Variants in BCL2 observed in about 807,000 individuals in gnomAD.
BCL2 encodes apoptosis regulator Bcl-2.
In BCL2, 1 loss-of-function variant was observed where a neutral mutation model predicts 14.2. The observed-to-expected ratio is 0.07, with a 90% CI of 0.02 to 0.33. BCL2 has a LOEUF of 0.33. BCL2 is among the 10% of genes least tolerant of loss of function. The pLI is 0.99. For synonymous variants in BCL2, 151 were observed against 137.2 expected, an observed-to-expected ratio of 1.10 and a Z score of -0.70; for missense variants, 247 against 305.9, an observed-to-expected ratio of 0.81 and a Z score of 1.44.
At chr18:63,246,824 TGACTGAAA>T (rs1237727062) in intron 2 of BCL2, among the ~76,000 whole-genome samples, 1 of 152,240 alleles carries the variant, frequency 6.6e-6, no homozygotes, top group Non-Finnish European at 1.5e-5. Context: ...TGTTATTTGT[TGACTGAAA>T]GACTGAAGAA....
intron 2 of BCL2, among the ~76,000 whole-genome samples, chr18:63,269,442 G>A (rs990408206): frequency 2.1e-4 from 32 of 151,916 alleles, no homozygotes; most frequent in Non-Finnish European, 1.3e-4. Flanking sequence ...CTCTGTTGAG[G>A]GACGTGGGAT....
At chr18:63,224,991 G>A (rs920348895) in intron 2 of BCL2, among the ~76,000 whole-genome samples, 2 of 152,046 alleles carry the variant, frequency 1.3e-5, no homozygotes, top group African/African-American at 2.4e-5. Context: ...CTAGCAGGCC[G>A]AGAGAGAAGT....
At chr18:63,283,083 G>A (rs2144257360) in intron 2 of BCL2, among the ~76,000 whole-genome samples, 1 of 152,180 alleles carries the variant, frequency 6.6e-6, no homozygotes, top group East Asian at 1.9e-4. Flanking sequence ...ATTTCATTTT[G>A]CAATTAATGA....
rs551172101 is a variant in BCL2 at position 63,243,711 on chromosome 18, A to G, written c.585+74371T>C. Reference sequence around the variant, plus strand: ...ACCTGATCTCCATTTCCTTTAAAATAGCCTCTTAGGCTGTGTTTACAGAAC... The same window carrying G: ...ACCTGATCTCCATTTCCTTTAAAATGGCCTCTTAGGCTGTGTTTACAGAAC... On this transcript the variant is annotated intron_variant, in intron 2 of 2. Transcript: ENST00000333681. 3.3e-5 allele frequency among the ~76,000 whole-genome samples: 5 copies of G among 152,346 alleles called. No individual in the cohort carries two copies. In the South Asian group the frequency reaches 1.0e-3, roughly 32 times the overall value.
intron 2 of BCL2, among the ~76,000 whole-genome samples, chr18:63,264,575 T>C (rs1252935409): frequency 2.6e-5 from 4 of 152,208 alleles, no homozygotes; most frequent in African/African-American, 9.7e-5. Context: ...CCCGATTCCC[T>C]GCACTGTCTC....
intron 2 of BCL2, among the ~76,000 whole-genome samples, chr18:63,285,184 G>A (rs1288494177): frequency 2.0e-5 from 3 of 152,200 alleles, no homozygotes; most frequent in South Asian, 2.1e-4. Context: ...CTTTCTAAAC[G>A]GAAAAATAAA....
At chr18:63,174,373 T>C (rs1192277011) in intron 2 of BCL2, among the ~76,000 whole-genome samples, 5 of 152,056 alleles carry the variant, frequency 3.3e-5, no homozygotes, top group African/African-American at 7.2e-5. Context: ...AGGTCTTTTA[T>C]TGTTGTTTTT....
intron 2 of BCL2, among the ~76,000 whole-genome samples, chr18:63,287,529 T>C (rs1912510227): frequency 1.3e-5 from 2 of 152,148 alleles, no homozygotes; most frequent in Non-Finnish European, 2.9e-5. Flanking sequence ...ACTCTCATCA[T>C]GAAATATGTT....
At chr18:63,276,336 C>T (rs1912152804) in intron 2 of BCL2, among the ~76,000 whole-genome samples, 1 of 142,678 alleles carries the variant, frequency 7.0e-6, no homozygotes. Flanking sequence ...CAAACAAAAC[C>T]CAAAATGCTT....
chr18:63,296,630 C>T (rs1912803427), intron 2 of BCL2, among the ~76,000 whole-genome samples: 1 of 152,126 alleles, frequency 6.6e-6, no homozygotes, highest in African/African-American at 2.4e-5. Flanking sequence ...TTATTCTTGG[C>T]TTAACTCTTA....
At chr18:63,223,897 A>G (rs971898733) in intron 2 of BCL2, among the ~76,000 whole-genome samples, 3 of 152,238 alleles carry the variant, frequency 2.0e-5, no homozygotes, top group African/African-American at 7.2e-5. Flanking sequence ...ACATGCAAGG[A>G]AAGTCTCTAC....
At chr18:63,267,813 A>G (rs1048865150) in intron 2 of BCL2, among the ~76,000 whole-genome samples, 2 of 152,164 alleles carry the variant, frequency 1.3e-5, no homozygotes, top group Non-Finnish European at 2.9e-5. Context: ...TAATGCAGGT[A>G]AATCCCTGCT....
intron 2 of BCL2, among the ~76,000 whole-genome samples, chr18:63,261,443 G>C (rs1336198379): frequency 6.6e-6 from 1 of 152,192 alleles, no homozygotes; most frequent in Admixed American, 6.5e-5. Flanking sequence ...TAAGGAGCAA[G>C]AAATAGATCT....
At chr18:63,178,355 G>C (rs1170591516) in intron 2 of BCL2, among the ~76,000 whole-genome samples, 2 of 152,130 alleles carry the variant, frequency 1.3e-5, no homozygotes, top group Non-Finnish European at 2.9e-5. Context: ...AGATGGAAGC[G>C]CGTCTCAGGG....
intron 2 of BCL2, among the ~76,000 whole-genome samples, chr18:63,257,062 T>C (rs1369907182): frequency 1.3e-5 from 2 of 152,250 alleles, no homozygotes; most frequent in Non-Finnish European, 2.9e-5. Context: ...ATGTTAAATG[T>C]TCTTATTTTA....
chr18:63,220,826 A>AG (rs1910372044), intron 2 of BCL2, among the ~76,000 whole-genome samples: 1 of 151,728 alleles, frequency 6.6e-6, no homozygotes, highest in Admixed American at 6.6e-5. Context: ...GGAGAAAAAA[A>AG]AAAAGGCGTT....
Position 63,183,161 on chromosome 18 carries a change from T to A in BCL2, c.586-54402A>T, listed in dbSNP as rs1489241069. On this transcript the variant is annotated intron_variant, in intron 2 of 2. Transcript: ENST00000333681. Reference sequence around the variant, plus strand: ...ACAAAACCTTCCACCCGAAGTAAGATCAGCTGGCAGATGAGCGTGCAGAAG... The same window carrying A: ...ACAAAACCTTCCACCCGAAGTAAGAACAGCTGGCAGATGAGCGTGCAGAAG... Among the ~76,000 whole-genome samples the A allele has an allele frequency of 2.6e-5, 4 of 152,130 alleles. No individual in the cohort carries two copies. In the South Asian group the frequency reaches 8.3e-4, roughly 32 times the overall value.
chr18:63,160,988 G>C (rs1914906758), intron 2 of BCL2, among the ~76,000 whole-genome samples: 1 of 152,094 alleles, frequency 6.6e-6, no homozygotes, highest in Non-Finnish European at 1.5e-5. Context: ...TGTCTTCACG[G>C]CAAAAACAAT....
At chr18:63,202,120 C>A (rs987923035) in intron 2 of BCL2, among the ~76,000 whole-genome samples, 3 of 151,942 alleles carry the variant, frequency 2.0e-5, no homozygotes, top group African/African-American at 7.3e-5. Flanking sequence ...ACCAGCCTGG[C>A]GAACATGGTG....
Sources: allele counts gnomAD v4.1 joint callset (sites outside exome capture counted in the v4.1 genomes callset), GRCh38; gene constraint gnomAD v4.1.1; transcripts MANE v1.5; gene names NCBI Gene and HGNC (gene_info 2026-07-23, HGNC 2026-07-21).